The following MCTP1 variants were observed in gnomAD, a reference collection of about 807,000 sequenced individuals.
The protein encoded by MCTP1 is multiple C2 and transmembrane domain containing 1.
In MCTP1, 69 loss-of-function variants were observed where a neutral mutation model predicts 120.6. The observed-to-expected ratio is 0.57, with a 90% confidence interval of 0.47 to 0.70. MCTP1 has a LOEUF of 0.70. MCTP1 is among the 30% of genes least tolerant of loss of function. MCTP1 has a pLI of 0.00. For missense variants in MCTP1, 1,203 were observed against 1,248.8 expected (o/e 0.96, Z 0.55); for synonymous variants, 529 against 493.1 (o/e 1.07, Z -0.96).
chr5:95,241,055 C>A (rs1383217518), intron 1 of MCTP1, among the ~76,000 whole-genome samples: 1 of 151,994 alleles, frequency 6.6e-6, no homozygotes, highest in Non-Finnish European at 1.5e-5. Context: ...TTGGGGGGTA[C>A]TTTGTTTTAA....
intron 22 of MCTP1, chr5:94,708,084 C>T (rs73144193): frequency 0.077 from 11,956 of 155,906 alleles, 495 homozygotes; most frequent in South Asian, 0.12. Flanking sequence ...AGTCAGCTTT[C>T]CTCTCCTCAT....
At chr5:94,950,785 C>G (rs1027455761) in intron 3 of MCTP1, among the ~76,000 whole-genome samples, 2 of 151,812 alleles carry the variant, frequency 1.3e-5, no homozygotes, top group African/African-American at 4.8e-5. Flanking sequence ...AACTCCTTCT[C>G]TACTAAAAAA....
chr5:94,878,140 T>C (rs2153350538), intron 12 of MCTP1, among the ~76,000 whole-genome samples: 1 of 152,292 alleles, frequency 6.6e-6, no homozygotes. Flanking sequence ...TAATCAAGGT[T>C]GCCATCTATC....
intron 19 of MCTP1, among the ~76,000 whole-genome samples, chr5:94,772,937 C>T (rs1249493086): frequency 6.6e-6 from 1 of 152,120 alleles, no homozygotes; most frequent in Non-Finnish European, 1.5e-5. Context: ...TTGGCTGAAC[C>T]ACAGTCTCCT....
At chr5:95,103,164 C>T (rs1756861617) in intron 1 of MCTP1, among the ~76,000 whole-genome samples, 2 of 151,678 alleles carry the variant, frequency 1.3e-5, no homozygotes, top group African/African-American at 2.4e-5. Context: ...ACCATAAGCA[C>T]ATATGTATTT....
chr5:94,988,670 C>T (rs1830904049), intron 2 of MCTP1, among the ~76,000 whole-genome samples: 1 of 144,994 alleles, frequency 6.9e-6, no homozygotes, highest in African/African-American at 2.6e-5. Context: ...TTGGTTAGGT[C>T]CAGTGGCTCA....
chr5:94,770,851 T>C (rs1182149939), intron 19 of MCTP1, among the ~76,000 whole-genome samples: 13 of 152,328 alleles, frequency 8.5e-5, no homozygotes, highest in Admixed American at 6.5e-4. Context: ...GACAAGGATT[T>C]TGGAGAACCC....
At chr5:95,025,906 T>C (rs1839167267) in intron 1 of MCTP1, among the ~76,000 whole-genome samples, 1 of 152,176 alleles carries the variant, frequency 6.6e-6, no homozygotes, top group Non-Finnish European at 1.5e-5. Context: ...CAGACTTTTC[T>C]TATAGATATC....
chr5:94,902,879 A>G (rs1203279711), intron 10 of MCTP1, among the ~76,000 whole-genome samples: 1 of 152,222 alleles, frequency 6.6e-6, no homozygotes, highest in Non-Finnish European at 1.5e-5. Flanking sequence ...ATTGACTTGA[A>G]GGTAAACTAC....
chr5:94,803,824 C>A (rs181032601), intron 17 of MCTP1, among the ~76,000 whole-genome samples: 58 of 152,218 alleles, frequency 3.8e-4, no homozygotes, highest in African/African-American at 1.2e-3. Context: ...ACAGTGATGA[C>A]CCCGATTTTT....
At chr5:95,277,053 A>G (rs1025256456) in intron 1 of MCTP1, among the ~76,000 whole-genome samples, 4 of 151,984 alleles carry the variant, frequency 2.6e-5, no homozygotes, top group African/African-American at 9.7e-5. Context: ...TCTTGAGCCA[A>G]GATCCAGGCA....
intron 2 of MCTP1, among the ~76,000 whole-genome samples, chr5:95,007,515 C>G (rs368851222): frequency 6.6e-6 from 1 of 152,290 alleles, no homozygotes; most frequent in East Asian, 1.9e-4. Flanking sequence ...GAGAATAACT[C>G]TCTCTGAGCT....
intron 17 of MCTP1, among the ~76,000 whole-genome samples, chr5:94,817,703 T>C (rs1310386541): frequency 6.6e-6 from 1 of 152,246 alleles, no homozygotes; most frequent in Non-Finnish European, 1.5e-5. Flanking sequence ...GAAGGCAGCA[T>C]GTTTTACCAA....
At chr5:94,988,598 T>G (rs886855361) in intron 2 of MCTP1, among the ~76,000 whole-genome samples, 75 of 64,484 alleles carry the variant, frequency 1.2e-3, no homozygotes, top group African/African-American at 6.0e-3. Context: ...CCTGTGTGTG[T>G]TTTTTTTTTT....
chr5:94,912,428 C>CAAAA (rs564439495), intron 9 of MCTP1, among the ~76,000 whole-genome samples: 2 of 31,450 alleles, frequency 6.4e-5, no homozygotes, highest in African/African-American at 2.3e-4. Flanking sequence ...GAGACTCCAT[C>CAAAA]AAAAAAAAAA....
intron 7 of MCTP1, among the ~76,000 whole-genome samples, chr5:94,918,487 C>T (rs954048217): frequency 6.6e-6 from 1 of 152,160 alleles, no homozygotes; most frequent in Admixed American, 6.5e-5. Flanking sequence ...GAAATTTTGT[C>T]CCACATGACA....
chr5:95,096,019 A>C (rs1756239650), intron 1 of MCTP1, among the ~76,000 whole-genome samples: 1 of 152,208 alleles, frequency 6.6e-6, no homozygotes, highest in African/African-American at 2.4e-5. Context: ...ATGGAGACTC[A>C]GAGTTAGAAC....
chr5:95,173,420 G>A (rs1415728295), intron 1 of MCTP1, among the ~76,000 whole-genome samples: 1 of 152,010 alleles, frequency 6.6e-6, no homozygotes, highest in African/African-American at 2.4e-5. Context: ...ATGAAACAAA[G>A]ACAGAAAATT....
At chr5:94,725,454 G>A (rs1045871042) in intron 19 of MCTP1, among the ~76,000 whole-genome samples, 7 of 152,204 alleles carry the variant, frequency 4.6e-5, no homozygotes, top group African/African-American at 1.4e-4. Context: ...AGCAAATGCT[G>A]GGCTAGGTTT....
Sources: allele counts gnomAD v4.1 joint callset (sites outside exome capture counted in the v4.1 genomes callset), GRCh38; gene constraint gnomAD v4.1.1; transcripts MANE v1.5; gene names NCBI Gene and HGNC (gene_info 2026-07-23, HGNC 2026-07-21).